GRM7: variants seen among roughly 807,000 people sequenced by gnomAD.
The protein encoded by GRM7 is glutamate metabotropic receptor 7.
A neutral mutation model predicts 84.5 loss-of-function variants in GRM7; 35 were observed. The observed-to-expected ratio is 0.41, with a 90% confidence interval of 0.32 to 0.55. The LOEUF is 0.55. Ranked by LOEUF, GRM7 falls within the 20% of genes least tolerant of loss-of-function variation. The pLI is 0.19. For synonymous variants in GRM7, 487 were observed against 455.1 expected (o/e 1.07, Z -0.89); for missense variants, 1,003 against 1,194.6 (o/e 0.84, Z 2.36).
At chr3:7,448,326 C>T (rs1481562160) in intron 5 of GRM7, among the ~76,000 whole-genome samples, 1 of 152,144 alleles carries the variant, frequency 6.6e-6, no homozygotes, top group Non-Finnish European at 1.5e-5. Flanking sequence ...AATCGCCACA[C>T]TGACTTCCAC....
At chr3:7,580,042 A>G (rs1695171589) in intron 8 of GRM7, among the ~76,000 whole-genome samples, 1 of 152,258 alleles carries the variant, frequency 6.6e-6, no homozygotes, top group Non-Finnish European at 1.5e-5. Flanking sequence ...TAGTGTCATC[A>G]AGCTGTGAAA....
intron 1 of GRM7, among the ~76,000 whole-genome samples, chr3:7,031,770 A>AT: frequency 6.6e-6 from 1 of 152,110 alleles, no homozygotes; most frequent in Non-Finnish European, 1.5e-5. Flanking sequence ...CCTGTGTCCC[A>AT]TGTAGAACGT....
intron 1 of GRM7, among the ~76,000 whole-genome samples, chr3:6,925,391 C>T (rs1387563066): frequency 6.6e-6 from 1 of 152,124 alleles, no homozygotes; most frequent in Non-Finnish European, 1.5e-5. Flanking sequence ...GAGTTACCTG[C>T]TTTATACCAT....
chr3:7,425,084 T>G (rs1015939102), intron 5 of GRM7, among the ~76,000 whole-genome samples: 1 of 152,150 alleles, frequency 6.6e-6, no homozygotes, highest in Admixed American at 6.6e-5. Flanking sequence ...ATAGATACTT[T>G]CTCATTTTTC....
At chr3:7,457,744 C>G (rs539267202) in intron 6 of GRM7, among the ~76,000 whole-genome samples, 105 of 152,246 alleles carry the variant, frequency 6.9e-4, no homozygotes, top group African/African-American at 2.5e-3. Flanking sequence ...AACATTTGGA[C>G]TATAAGCATG....
intron 2 of GRM7, among the ~76,000 whole-genome samples, chr3:7,218,047 C>G (rs996288042): frequency 5.3e-5 from 8 of 151,994 alleles, no homozygotes; most frequent in Non-Finnish European, 1.2e-4. Flanking sequence ...TGTTAAATAA[C>G]AAGGTTATCT....
chr3:7,114,061 T>C (rs772777791), intron 1 of GRM7, among the ~76,000 whole-genome samples: 3 of 152,144 alleles, frequency 2.0e-5, no homozygotes, highest in African/African-American at 7.2e-5. Context: ...AGATAATAGA[T>C]ACTGAAATTT....
At chr3:7,272,699 C>CT (rs572356345) in intron 2 of GRM7, among the ~76,000 whole-genome samples, 1 of 151,738 alleles carries the variant, frequency 6.6e-6, no homozygotes, top group Non-Finnish European at 1.5e-5. Flanking sequence ...GTGATGTGCT[C>CT]TTTTTTATAT....
At chr3:7,015,516 C>CA (rs1424504064) in intron 1 of GRM7, among the ~76,000 whole-genome samples, 1 of 152,118 alleles carries the variant, frequency 6.6e-6, no homozygotes, top group Non-Finnish European at 1.5e-5. Flanking sequence ...CAAATTAATG[C>CA]AAAAATTAGC....
intron 2 of GRM7, among the ~76,000 whole-genome samples, chr3:7,237,620 G>A (rs567413588): frequency 3.1e-4 from 47 of 152,238 alleles, no homozygotes; most frequent in African/African-American, 6.0e-4. Context: ...GAGTGAAGCC[G>A]CAGACCTTTG....
chr3:7,052,601 G>A (rs73112850), intron 1 of GRM7, among the ~76,000 whole-genome samples: 24,077 of 151,040 alleles, frequency 0.16, 3,086 homozygotes, highest in African/African-American at 0.36. Flanking sequence ...GTTACTTTCT[G>A]TTGTTATAGT....
chr3:7,487,940 T>C (rs9818917), intron 7 of GRM7, among the ~76,000 whole-genome samples: 78,246 of 151,968 alleles, frequency 0.51, 20,656 homozygotes, highest in East Asian at 0.7. Flanking sequence ...ATATGGGCTG[T>C]ACCCAGCAAA....
chr3:7,384,173 C>T (rs146911896), intron 4 of GRM7, among the ~76,000 whole-genome samples: 1 of 152,122 alleles, frequency 6.6e-6, no homozygotes, highest in East Asian at 1.9e-4. Context: ...GGACAGTAGG[C>T]ACACGCCACT....
chr3:7,149,105 G>A (rs1176213983), intron 2 of GRM7, among the ~76,000 whole-genome samples: 1 of 152,050 alleles, frequency 6.6e-6, no homozygotes, highest in Admixed American at 6.6e-5. Context: ...ATAACAAAAT[G>A]CATTGGAACT....
intron 1 of GRM7, among the ~76,000 whole-genome samples, chr3:6,916,940 A>C (rs1175847383): frequency 1.3e-5 from 2 of 152,194 alleles, no homozygotes; most frequent in African/African-American, 4.8e-5. Context: ...GATTCAAAAC[A>C]ATCACTGTTA....
At chr3:7,397,933 T>G (rs963697212) in intron 4 of GRM7, among the ~76,000 whole-genome samples, 4 of 152,038 alleles carry the variant, frequency 2.6e-5, no homozygotes, top group African/African-American at 9.7e-5. Context: ...TGAGAAACAC[T>G]GCTTTAAAGG....
chr3:7,715,218 A>T (rs1021763959), intron 9 of GRM7, among the ~76,000 whole-genome samples: 1 of 152,044 alleles, frequency 6.6e-6, no homozygotes, highest in Admixed American at 6.6e-5. Context: ...CCAATACTTC[A>T]GGGGGGCAAG....
At chr3:6,985,656 A>G (rs568987355) in intron 1 of GRM7, among the ~76,000 whole-genome samples, 104 of 152,304 alleles carry the variant, frequency 6.8e-4, no homozygotes, top group Non-Finnish European at 1.0e-3. Flanking sequence ...ATGTGAATCC[A>G]TATTTTCCAA....
chr3:6,888,959 T>C (rs1255667481), intron 1 of GRM7, among the ~76,000 whole-genome samples: 1 of 152,100 alleles, frequency 6.6e-6, no homozygotes, highest in Admixed American at 6.6e-5. Context: ...CCCTTGTAAG[T>C]TGGATTCCTA....
Sources: gnomAD v4.1 joint callset for allele counts (sites outside exome capture counted in the v4.1 genomes callset) on GRCh38, gnomAD v4.1.1 for gene constraint, MANE v1.5 for transcripts, NCBI Gene and HGNC (gene_info 2026-07-23, HGNC 2026-07-21) for gene names.